KCNH5: variants seen among roughly 807,000 people sequenced by gnomAD.
KCNH5 encodes voltage-gated delayed rectifier potassium channel KCNH5.
Under a neutral mutation model 96.1 loss-of-function variants are expected in KCNH5, and 46 were observed. The ratio of observed to expected loss-of-function variants is 0.48; its 90% CI spans 0.38 to 0.61. The LOEUF is 0.61. Ranked by LOEUF, KCNH5 falls within the 20% of genes least tolerant of loss-of-function variation. The pLI is 0.00. For missense variants in KCNH5, 907 were observed against 1,225.8 expected (o/e 0.74, Z 3.88); for synonymous variants, 439 against 449.8 (o/e 0.98, Z 0.30).
At chr14:62,796,538 C>T (rs1384527258) in intron 9 of KCNH5, among the ~76,000 whole-genome samples, 5 of 152,150 alleles carry the variant, frequency 3.3e-5, no homozygotes, top group African/African-American at 1.2e-4. Context: ...TAGAGATTGT[C>T]TTAGTTTAAT....
intron 7 of KCNH5, among the ~76,000 whole-genome samples, chr14:62,905,581 G>C (rs1889011509): frequency 6.6e-6 from 1 of 152,138 alleles, no homozygotes. Context: ...GTCACCAATG[G>C]TTAGAACATT....
intron 7 of KCNH5, among the ~76,000 whole-genome samples, chr14:62,947,722 C>T (rs1314118502): frequency 6.6e-6 from 1 of 152,058 alleles, no homozygotes; most frequent in Non-Finnish European, 1.5e-5. Context: ...TAGACACACA[C>T]ACACACACAC....
rs898602033 is a variant in KCNH5 at position 62,707,040 on chromosome 14, A to G, written c.*468T>C. 1 of 152,252 alleles carries G rather than the reference A, an allele frequency of 6.6e-6. No homozygotes were observed. The highest frequency in any genetic ancestry group is 2.1e-4 in the South Asian group (1 of 4,834). The allele number at this position is 152,252 out of a possible 1,614,324, so 9.4% of individuals were successfully genotyped here. A position where few individuals can be genotyped will look rare whatever the true frequency, so the allele number is the denominator to read the frequency against. On this transcript the variant is annotated 3_prime_UTR_variant, in exon 11 of 11. Transcript: ENST00000322893. ...ACACTAAGTTACAGAAAAATATCCT[A>G]TGGAAAGAGATCATAACATGGTACT...
chr14:62,948,386 C>T (rs562166950), intron 7 of KCNH5, among the ~76,000 whole-genome samples: 261 of 152,130 alleles, frequency 1.7e-3, no homozygotes, highest in African/African-American at 5.9e-3. Flanking sequence ...AACACCTCTA[C>T]GCAAATAAAC....
At chr14:62,942,221 G>C (rs573412562) in intron 7 of KCNH5, among the ~76,000 whole-genome samples, 1 of 152,126 alleles carries the variant, frequency 6.6e-6, no homozygotes, top group South Asian at 2.1e-4. Context: ...TGCACCAATA[G>C]AACCTTAGAA....
chr14:62,852,309 C>T (rs1887822759), intron 7 of KCNH5, among the ~76,000 whole-genome samples: 1 of 152,178 alleles, frequency 6.6e-6, no homozygotes. Context: ...TAACCAACTG[C>T]TCTTTATCCC....
chr14:62,947,192 G>T (rs190349962), intron 7 of KCNH5, among the ~76,000 whole-genome samples: 1 of 152,158 alleles, frequency 6.6e-6, no homozygotes, highest in African/African-American at 2.4e-5. Flanking sequence ...AAACAAAAAG[G>T]TTTTCTTTTT....
At chr14:62,764,769 T>C (rs367731383) in intron 10 of KCNH5, among the ~76,000 whole-genome samples, 5 of 152,066 alleles carry the variant, frequency 3.3e-5, no homozygotes, top group Admixed American at 2.6e-4. Flanking sequence ...CCACTGACAA[T>C]AGGCACACAC....
chr14:62,828,489 A>G (rs1162997737), intron 8 of KCNH5, among the ~76,000 whole-genome samples: 1 of 152,306 alleles, frequency 6.6e-6, no homozygotes, highest in African/African-American at 2.4e-5. Context: ...GAAACTTGCA[A>G]TCATGGCAGA....
At chr14:63,004,399 T>C (rs1891087918) in intron 3 of KCNH5, among the ~76,000 whole-genome samples, 1 of 152,144 alleles carries the variant, frequency 6.6e-6, no homozygotes, top group Non-Finnish European at 1.5e-5. Flanking sequence ...GGGGTATATA[T>C]CCCATTGGCT....
At chr14:62,917,167 T>C (rs1223389239) in intron 7 of KCNH5, among the ~76,000 whole-genome samples, 1 of 152,218 alleles carries the variant, frequency 6.6e-6, no homozygotes, top group East Asian at 1.9e-4. Context: ...CAGTGTAAGA[T>C]CTGCTGTACC....
intron 6 of KCNH5, among the ~76,000 whole-genome samples, chr14:62,960,013 G>C (rs1371604642): frequency 6.6e-6 from 1 of 152,120 alleles, no homozygotes; most frequent in Non-Finnish European, 1.5e-5. Flanking sequence ...TGTTTATACA[G>C]CCTTGCACAG....
intron 7 of KCNH5, among the ~76,000 whole-genome samples, chr14:62,936,793 G>A (rs974875247): frequency 6.6e-6 from 1 of 151,550 alleles, no homozygotes; most frequent in Non-Finnish European, 1.5e-5. Context: ...CTGACCAACA[G>A]GGTGAAACCC....
intron 5 of KCNH5, among the ~76,000 whole-genome samples, chr14:62,983,498 A>G (rs1890649856): frequency 6.6e-6 from 1 of 151,934 alleles, no homozygotes. Context: ...ACCTAAAATT[A>G]CCCTGTTTTC....
intron 10 of KCNH5, among the ~76,000 whole-genome samples, chr14:62,721,522 T>TC (rs72049097): frequency 1.7e-5 from 2 of 116,344 alleles, no homozygotes; most frequent in Non-Finnish European, 3.9e-5. Flanking sequence ...CTCTCTCTCT[T>TC]TCTATGGCAA....
intron 8 of KCNH5, among the ~76,000 whole-genome samples, chr14:62,819,559 G>A (rs1030091734): frequency 3.3e-5 from 5 of 152,118 alleles, no homozygotes; most frequent in Admixed American, 2.6e-4. Flanking sequence ...GCATAACCTT[G>A]TGGAAATACT....
At chr14:62,988,126 T>C (rs955355908) in intron 4 of KCNH5, among the ~76,000 whole-genome samples, 2 of 152,042 alleles carry the variant, frequency 1.3e-5, no homozygotes, top group Admixed American at 6.6e-5. Context: ...AGTAATAAAA[T>C]CATTAATCTC....
intron 10 of KCNH5, among the ~76,000 whole-genome samples, chr14:62,749,554 T>C (rs1809676): frequency 0.32 from 48,328 of 152,100 alleles, 8,561 homozygotes; most frequent in South Asian, 0.59. Flanking sequence ...GAGTCTTTGA[T>C]TTCCATATTC....
At chr14:62,782,093 G>A (rs112698631) in intron 9 of KCNH5, among the ~76,000 whole-genome samples, 5,081 of 152,248 alleles carry the variant, frequency 0.033, 198 homozygotes, top group African/African-American at 0.1. Context: ...CTGACTTCCC[G>A]CAACAGACCT....
Sources: allele counts gnomAD v4.1 joint callset (sites outside exome capture counted in the v4.1 genomes callset), GRCh38; gene constraint gnomAD v4.1.1; transcripts MANE v1.5; gene names NCBI Gene and HGNC (gene_info 2026-07-23, HGNC 2026-07-21).